The following ATP8A1 variants were observed in gnomAD, a reference collection of about 807,000 sequenced individuals.
The protein encoded by ATP8A1 is ATPase phospholipid transporting 8A1, also known as phospholipid-transporting ATPase IA.
Under a neutral mutation model 177.7 loss-of-function variants are expected in ATP8A1, and 90 were observed. That is an observed-to-expected ratio of 0.51 (90% confidence interval 0.43 to 0.60). The LOEUF (loss-of-function observed/expected upper bound fraction) is 0.60, where lower values mean the gene tolerates loss of function less well. Ranked by LOEUF, ATP8A1 falls within the 20% of genes least tolerant of loss-of-function variation. The pLI is 0.00. For missense variants in ATP8A1, 1,072 were observed against 1,392.8 expected, an observed-to-expected ratio of 0.77 and a Z score of 3.67; for synonymous variants, 493 against 485.9, an observed-to-expected ratio of 1.01 and a Z score of -0.19.
intron 1 of ATP8A1, chr4:42,637,055 C>G (rs942982073): frequency 6.0e-6 from 3 of 500,984 alleles, no homozygotes; most frequent in Middle Eastern, 3.4e-4. Context: ...CAAGTCCTGT[C>G]CCAACACCCA....
At chr4:42,538,415 G>A (rs1386803758) in intron 20 of ATP8A1, among the ~76,000 whole-genome samples, 1 of 152,092 alleles carries the variant, frequency 6.6e-6, no homozygotes, top group Non-Finnish European at 1.5e-5. Flanking sequence ...AAGATAAATA[G>A]ATGGGACTTA....
At chr4:42,445,722 GTTAT>G (rs1466805541) in intron 31 of ATP8A1, among the ~76,000 whole-genome samples, 1 of 152,122 alleles carries the variant, frequency 6.6e-6, no homozygotes, top group Non-Finnish European at 1.5e-5. Flanking sequence ...GGCAATTTAG[GTTAT>G]TTGTTAAAAT....
chr4:42,451,993 C>G lies in ATP8A1; in HGVS notation c.2884G>C (p.Ala962Pro), dbSNP rs1422917319. The change falls in exon 30 of 37, where the codon GCC becomes CCC. Residue 962 changes from alanine to proline, a missense_variant. This residue lies in a region of ATP8A1 where 316 missense variants were observed against 459.1 expected (regional missense o/e 0.69). Transcript: ENST00000381668. The stretch of plus-strand genomic sequence containing the variant: ...CCCTTCTACTTACCATACTGAAGGG[C>G]TTTTAGTGGAAACCAAAACAGAATA... Reference protein sequence around the residue: ...SVILFWFPLKALQYGTAFGNG... With the variant: ...SVILFWFPLKPLQYGTAFGNG... The G allele has an allele frequency of 6.2e-7, 1 of 1,611,722 alleles. No homozygotes were observed. Among genetic ancestry groups the G allele is most frequent in the Non-Finnish European group, 8.5e-7 (1 of 1,178,354 alleles).
At chr4:42,474,156 A>G (rs1052502404) in intron 25 of ATP8A1, among the ~76,000 whole-genome samples, 2 of 152,216 alleles carry the variant, frequency 1.3e-5, no homozygotes, top group Non-Finnish European at 2.9e-5. Context: ...GGAGGCCAGT[A>G]AAGTTCAGGG....
intron 25 of ATP8A1, among the ~76,000 whole-genome samples, chr4:42,466,956 T>C (rs946792060): frequency 1.3e-5 from 2 of 152,198 alleles, no homozygotes; most frequent in African/African-American, 4.8e-5. Flanking sequence ...AGAGAAGCAT[T>C]TGAAAGCTTT....
chr4:42,565,195 A>G (rs1731235374), intron 15 of ATP8A1, among the ~76,000 whole-genome samples: 1 of 152,188 alleles, frequency 6.6e-6, no homozygotes, highest in African/African-American at 2.4e-5. Context: ...CTAATACACT[A>G]TGTGACTCAA....
Position 42,580,914 on chromosome 4 carries a change from A to G in ATP8A1, c.834+707T>C, listed in dbSNP as rs560135751. 9.2e-5 allele frequency among the ~76,000 whole-genome samples: 14 copies of G among 152,334 alleles called. No homozygotes were observed. The East Asian group carries it at 2.7e-3, about 29-fold the overall frequency. ...AAATGGTCATTTGATTCAAATTTCT[A>G]AAAAATTTTATTAAAAGATAGAAAT... On this transcript the variant is annotated intron_variant, in intron 10 of 36. Coordinates refer to ENST00000381668, the MANE Select transcript of ATP8A1 (RefSeq NM_006095.2).
intron 21 of ATP8A1, 144 bp from the exon 22 acceptor site, chr4:42,522,443 A>T: frequency 1.0e-6 from 1 of 963,432 alleles, no homozygotes; most frequent in Non-Finnish European, 1.5e-6. Context: ...AATTATGACA[A>T]AAACTTAGTA....
At chr4:42,468,213 A>C (rs1719998091) in intron 25 of ATP8A1, among the ~76,000 whole-genome samples, 1 of 152,204 alleles carries the variant, frequency 6.6e-6, no homozygotes, top group Non-Finnish European at 1.5e-5. Flanking sequence ...TTGATCCAGC[A>C]ATCCCACTAT....
chr4:42,511,298 A>G (rs556634781), intron 22 of ATP8A1, among the ~76,000 whole-genome samples: 1 of 152,330 alleles, frequency 6.6e-6, no homozygotes, highest in East Asian at 1.9e-4. Context: ...ATAACACAAG[A>G]GTGTTTAGGC....
At chr4:42,422,241 G>A (rs1341089049) in intron 35 of ATP8A1, among the ~76,000 whole-genome samples, 2 of 151,922 alleles carry the variant, frequency 1.3e-5, no homozygotes, top group African/African-American at 2.4e-5. Flanking sequence ...ACAAGTGCCC[G>A]TCACCATGCC....
chr4:42,493,186 T>C (rs1282471779), intron 24 of ATP8A1, among the ~76,000 whole-genome samples: 2 of 152,132 alleles, frequency 1.3e-5, no homozygotes, highest in Non-Finnish European at 2.9e-5. Context: ...ACTGATAACA[T>C]TTGAAAATAA....
chr4:42,469,423 T>C (rs1720153050), intron 25 of ATP8A1, among the ~76,000 whole-genome samples: 1 of 152,194 alleles, frequency 6.6e-6, no homozygotes, highest in African/African-American at 2.4e-5. Context: ...GGAATGTGGC[T>C]GAAAGGGATT....
intron 25 of ATP8A1, among the ~76,000 whole-genome samples, chr4:42,475,865 T>C (rs1206076722): frequency 6.6e-6 from 1 of 151,358 alleles, no homozygotes; most frequent in Admixed American, 6.6e-5. Context: ...TGGTAAAATA[T>C]AGGTCTCTAC....
chr4:42,551,312 ATGATTG>A, intron 17 of ATP8A1, 32 bp from the exon 18 acceptor site: 1 of 1,469,182 alleles, frequency 6.8e-7, no homozygotes. Context: ...AAGCAAACAC[ATGATTG>A]AAAAAAAAAT....
At chr4:42,620,758 T>C (rs1012311060) in intron 4 of ATP8A1, among the ~76,000 whole-genome samples, 1 of 152,178 alleles carries the variant, frequency 6.6e-6, no homozygotes, top group Non-Finnish European at 1.5e-5. Flanking sequence ...GTAAAGGACA[T>C]AGAGTAAGTA....
chr4:42,520,499 A>G (rs999446182), intron 22 of ATP8A1, among the ~76,000 whole-genome samples: 1 of 152,194 alleles, frequency 6.6e-6, no homozygotes, highest in Non-Finnish European at 1.5e-5. Flanking sequence ...TACTACATAA[A>G]TGCCCCAAAG....
chr4:42,608,971 T>C (rs926515410), intron 5 of ATP8A1, among the ~76,000 whole-genome samples: 3 of 152,172 alleles, frequency 2.0e-5, no homozygotes, highest in Non-Finnish European at 4.4e-5. Context: ...AGGAAGAGTC[T>C]CTTGTATAAG....
chr4:42,535,155 G>A (rs1304116795), intron 20 of ATP8A1, among the ~76,000 whole-genome samples: 1 of 152,002 alleles, frequency 6.6e-6, no homozygotes, highest in Non-Finnish European at 1.5e-5. Context: ...AACCTTACGT[G>A]TCAATACTAA....
Sources: gnomAD v4.1 joint callset for allele counts (sites outside exome capture counted in the v4.1 genomes callset) on GRCh38, gnomAD v4.1.1 for gene constraint, gnomAD v4.1.1 regional missense constraint, MANE v1.5 for transcripts, NCBI Gene and HGNC (gene_info 2026-07-23, HGNC 2026-07-21) for gene names.